PDE6G: variants seen among roughly 807,000 people sequenced by gnomAD.
PDE6G encodes phosphodiesterase 6G, also known as rod cGMP 3',5'-cyclic phosphodiesterase subunit gamma.
PDE6G carries 10 observed loss-of-function variants against 10.9 expected under a neutral mutation model. The observed-to-expected ratio is 0.91, with a 90% confidence interval of 0.56 to 1.55. The LOEUF (loss-of-function observed/expected upper bound fraction) is 1.55. PDE6G is among the 40% of genes most tolerant of loss of function. The pLI is 0.00. For synonymous variants in PDE6G, 41 were observed against 42.8 expected (o/e 0.96, Z 0.16); for missense variants, 102 against 110.1 (o/e 0.93, Z 0.33).
At chr17:81,652,256 G>A (rs764375622) in intron 2 of PDE6G, among the ~76,000 whole-genome samples, 7 of 152,174 alleles carry the variant, frequency 4.6e-5, no homozygotes, top group Non-Finnish European at 8.8e-5. Flanking sequence ...TGCCATGGCT[G>A]TCCCTGGGTG....
Position 81,653,223 on chromosome 17 carries a change from G to A in PDE6G, c.83C>T (p.Pro28Leu). The change falls in exon 2 of 4, where the codon CCT (proline) becomes CTT (leucine). Residue 28 changes from proline to leucine, a missense_variant. Transcript: ENST00000331056. This position sits in a 1 kb window ranked among gnomAD's most constrained non-coding sequence, Gnocchi z 5.2. ...GGPVTPRKGP[P>L]KFKQRQTRQF... ...CCTGGTCTGTCGCTGCTTAAATTTA[G>A]GGGGCCCTTTCCTGGGGGTGACAGG... is the stretch of plus-strand genomic sequence containing the variant. The A allele has an allele frequency of 9.9e-6, 16 of 1,614,090 alleles. No individual in the cohort carries two copies. Among genetic ancestry groups the A allele is most frequent in the Non-Finnish European group, 1.4e-5 (16 of 1,180,000 alleles).
At position 81,653,579 on chromosome 17, in the gene PDE6G, C is replaced by T; in HGVS notation, c.-59-215G>A. The stretch of plus-strand genomic sequence containing the variant: ...TTCCCCTTGCCTAGTGGATGCCCCC[C>T]TGCAACGCTGGCCACACACAGCTCC... On this transcript the variant is annotated intron_variant, in intron 1 of 3. Coordinates refer to ENST00000331056, the MANE Select transcript of PDE6G (RefSeq NM_002602.4). This position sits in a 1 kb window ranked among gnomAD's most constrained non-coding sequence, Gnocchi z 5.2. The T allele has an allele frequency of 2.0e-6, 1 of 507,174 alleles. No homozygotes were observed. The highest frequency in any genetic ancestry group is 2.0e-5 in the South Asian group (1 of 49,020). 31.4% of individuals were successfully genotyped at this position (507,174 alleles called of 1,614,324 possible).
At position 81,653,218 on chromosome 17, in the gene PDE6G, A is replaced by G. The variant is rs201238380; in HGVS notation, c.88T>C (p.Phe30Leu). 6.2e-7 allele frequency: 1 copy of G among 1,614,038 alleles called. No individual in the cohort carries two copies. Among genetic ancestry groups the G allele is most frequent in the African/African-American group, 1.3e-5 (1 of 75,014 alleles). The part of the protein sequence containing the change: ...PVTPRKGPPK[F>L]KQRQTRQFKS... ...AACTGCCTGGTCTGTCGCTGCTTAA[A>G]TTTAGGGGGCCCTTTCCTGGGGGTG... Residue 30 changes from phenylalanine (F) to leucine (L), a missense_variant, in exon 2 of 4, where the codon TTT (phenylalanine) becomes CTT (leucine). By Grantham distance (22) the Phe-to-Leu change is conservative. Coordinates refer to ENST00000331056, the MANE Select transcript of PDE6G (RefSeq NM_002602.4). The surrounding 1 kb of genome is among the most constrained non-coding windows in gnomAD (Gnocchi z 5.2).
chr17:81,657,535 C>T (rs2036462667), upstream of PDE6G, among the ~76,000 whole-genome samples: 1 of 152,208 alleles, frequency 6.6e-6, no homozygotes, highest in Non-Finnish European at 1.5e-5. Context: ...TGTACAACCT[C>T]CATGTACTGA....
Position 81,653,104 on chromosome 17 carries a change from G to C in PDE6G, c.146+56C>G. The C allele has an allele frequency of 6.3e-7, 1 of 1,588,520 alleles. No individual in the cohort carries two copies. ...CTCTGCCCCGCCCTCCCCTTCCTGTGCAGCCTCAGGACCGCCTCCTCCCTT... is the reference window on the plus strand; with the variant it reads ...CTCTGCCCCGCCCTCCCCTTCCTGTCCAGCCTCAGGACCGCCTCCTCCCTT... On this transcript the variant is annotated intron_variant, in intron 2 of 3. Coordinates refer to ENST00000331056, the MANE Select transcript of PDE6G (RefSeq NM_002602.4). This position sits in a 1 kb window ranked among gnomAD's most constrained non-coding sequence, Gnocchi z 5.2.
At chr17:81,654,927 T>C (rs2036424049) in intron 1 of PDE6G, among the ~76,000 whole-genome samples, 1 of 151,218 alleles carries the variant, frequency 6.6e-6, no homozygotes, top group African/African-American at 2.4e-5. Flanking sequence ...TATTTTTTTT[T>C]TTGTATTTTT....
At chr17:81,657,246 G>A (rs538117178), upstream of PDE6G, among the ~76,000 whole-genome samples, 161 of 152,328 alleles carry the variant, frequency 1.1e-3, 1 homozygote, top group East Asian at 5.8e-4. Context: ...CCAAAGGGGC[G>A]TGCTGGCACA....
At chr17:81,656,064 G>A (rs1173438811) in intron 1 of PDE6G, among the ~76,000 whole-genome samples, 1 of 152,190 alleles carries the variant, frequency 6.6e-6, no homozygotes. Flanking sequence ...ATCCTAGATA[G>A]CACAGGCCCC....
upstream of PDE6G, among the ~76,000 whole-genome samples, chr17:81,659,809 G>A (rs1053184530): frequency 3.3e-5 from 5 of 152,050 alleles, no homozygotes; most frequent in East Asian, 1.9e-4. Context: ...CTATTAGGCC[G>A]GGCACATTGG....
At position 81,653,430 on chromosome 17, in the gene PDE6G, C is replaced by CCCCT. The variant is rs1218250923; in HGVS notation, c.-59-67_-59-66insAGGG. ...CTTCCAACCCTTGTGGGGGTCTCAA[C>CCCCT]CCACCGGTGGAGGGGCTGAGACCCA... On this transcript the variant is annotated intron_variant, in intron 1 of 3. Coordinates refer to ENST00000331056, the MANE Select transcript of PDE6G (RefSeq NM_002602.4). The surrounding 1 kb of genome is among the most constrained non-coding windows in gnomAD (Gnocchi z 5.2). 8.7e-7 allele frequency: 1 copy of CCCCT among 1,150,004 alleles called. No individual in the cohort carries two copies. The highest frequency in any genetic ancestry group is 1.5e-5 in the African/African-American group (1 of 65,468). 71.2% of individuals were successfully genotyped at this position (1,150,004 alleles called of 1,614,324 possible).
rs992803761 is a variant in PDE6G at position 81,653,422 on chromosome 17, G to A, written c.-59-58C>T. 2.4e-5 allele frequency: 30 copies of A among 1,226,108 alleles called. No individual in the cohort carries two copies. Among genetic ancestry groups the A allele is most frequent in the Non-Finnish European group, 3.3e-5 (29 of 868,656 alleles). The allele number at this position is 1,226,108 out of a possible 1,614,324, so 76.0% of individuals were successfully genotyped here. The stretch of plus-strand genomic sequence containing the variant: ...CCCTCCTGCTTCCAACCCTTGTGGG[G>A]GTCTCAACCCACCGGTGGAGGGGCT... On this transcript the variant is annotated intron_variant, in intron 1 of 3. Coordinates refer to ENST00000331056, the MANE Select transcript of PDE6G (RefSeq NM_002602.4). The surrounding 1 kb of genome is among the most constrained non-coding windows in gnomAD (Gnocchi z 5.2).
chr17:81,651,575 GC>G lies in PDE6G; in HGVS notation c.187+69del. ...TGGGGGCCGAGGTGGGCTGCAATGG[GC>G]CCCGGGCGTGCTGGGTGTGCCTGGG... On this transcript the variant is annotated intron_variant, in intron 3 of 3. Coordinates refer to ENST00000331056, the MANE Select transcript of PDE6G (RefSeq NM_002602.4). The surrounding 1 kb of genome is among the most constrained non-coding windows in gnomAD (Gnocchi z 4.8). 6.9e-7 allele frequency: 1 copy of G among 1,455,622 alleles called. No homozygotes were observed. The highest frequency in any genetic ancestry group is 9.7e-7 in the Non-Finnish European group (1 of 1,036,012). 90.2% of individuals were successfully genotyped at this position (1,455,622 alleles called of 1,614,324 possible).
At chr17:81,655,337 G>A (rs936157384) in intron 1 of PDE6G, among the ~76,000 whole-genome samples, 4 of 152,246 alleles carry the variant, frequency 2.6e-5, no homozygotes, top group African/African-American at 9.6e-5. Flanking sequence ...ACAAGCTGGG[G>A]CTTGGGGACG....
At position 81,651,946 on chromosome 17, in the gene PDE6G, A is replaced by C. The variant is rs1003184074; in HGVS notation, c.147-261T>G. Among the ~76,000 whole-genome samples the C allele has an allele frequency of 2.6e-5, 4 of 152,198 alleles. No individual in the cohort carries two copies. Among genetic ancestry groups the C allele is most frequent in the Non-Finnish European group, 5.9e-5 (4 of 68,010 alleles). Reference sequence around the variant, plus strand: ...AGGTGCAAGTCCCAGGATGCTGGGCAGGTGCGTGCCCTGGGGGAGTACGGG... The same window carrying C: ...AGGTGCAAGTCCCAGGATGCTGGGCCGGTGCGTGCCCTGGGGGAGTACGGG... On this transcript the variant is annotated intron_variant, in intron 2 of 3. Coordinates refer to ENST00000331056, the MANE Select transcript of PDE6G (RefSeq NM_002602.4). This position sits in a 1 kb window ranked among gnomAD's most constrained non-coding sequence, Gnocchi z 4.8.
In PDE6G at chr17:81,651,420, C is replaced by T. The variant is rs902951856; in HGVS notation, c.187+225G>A. ...AGGGGTTCTGTTCTTTCCCAAACCC[C>T]TCCCCTCACCTGGTGCAAGTGTCCC... On this transcript the variant is annotated intron_variant, in intron 3 of 3. Transcript: ENST00000331056. The surrounding 1 kb of genome is among the most constrained non-coding windows in gnomAD (Gnocchi z 4.8). Among the ~76,000 whole-genome samples, 3 of 152,052 alleles carry T rather than the reference C, an allele frequency of 2.0e-5. No homozygotes were observed. The highest frequency in any genetic ancestry group is 4.4e-5 in the Non-Finnish European group (3 of 67,974).
upstream of PDE6G, chr17:81,656,552 T>C (rs1216027991): frequency 2.6e-6 from 2 of 762,130 alleles, no homozygotes; most frequent in East Asian, 4.9e-5. Context: ...CTCCGCAGGG[T>C]GCCAGCCCCG....
At chr17:81,652,069 G>C (rs1175348444) in intron 2 of PDE6G, among the ~76,000 whole-genome samples, 1 of 152,184 alleles carries the variant, frequency 6.6e-6, no homozygotes, top group African/African-American at 2.4e-5. Flanking sequence ...GAGCGTGTTT[G>C]TGCATAAGAG....
intron 1 of PDE6G, among the ~76,000 whole-genome samples, chr17:81,662,657 C>G (rs1016007917): frequency 6.6e-6 from 1 of 152,100 alleles, no homozygotes; most frequent in Non-Finnish European, 1.5e-5. Context: ...TGAGGCCTGT[C>G]TCAGATACTT....
chr17:81,660,660 T>C (rs755885626), upstream of PDE6G, among the ~76,000 whole-genome samples: 28 of 152,002 alleles, frequency 1.8e-4, no homozygotes, highest in African/African-American at 5.8e-4. Flanking sequence ...CCCGGCTAAT[T>C]TTTGTATTTT....
Sources: allele counts gnomAD v4.1 joint callset (sites outside exome capture counted in the v4.1 genomes callset), GRCh38; gene constraint gnomAD v4.1.1; non-coding constraint Gnocchi (gnomAD v3.1); transcripts MANE v1.5; gene names NCBI Gene and HGNC (gene_info 2026-07-23, HGNC 2026-07-21).